The following PLCL1 variants were observed in gnomAD, a reference collection of about 807,000 sequenced individuals.
PLCL1 encodes phospholipase C like 1 (inactive), also known as inactive phospholipase C-like protein 1.
PLCL1 carries 41 observed loss-of-function variants against 84.4 expected under a neutral mutation model. That is an observed-to-expected ratio of 0.49 (90% CI 0.38 to 0.63). The LOEUF (loss-of-function observed/expected upper bound fraction) is 0.63. Ranked by LOEUF, PLCL1 falls within the 30% of genes least tolerant of loss-of-function variation. The pLI, the probability that PLCL1 is intolerant of heterozygous loss-of-function variation, is 0.00. For synonymous variants in PLCL1, 490 were observed against 488.3 expected, an observed-to-expected ratio of 1.00 and a Z score of -0.05; for missense variants, 1,206 against 1,367.8, an observed-to-expected ratio of 0.88 and a Z score of 1.87.
At chr2:198,013,937 G>A (rs906567551) in intron 1 of PLCL1, among the ~76,000 whole-genome samples, 1 of 152,032 alleles carries the variant, frequency 6.6e-6, no homozygotes, top group African/African-American at 2.4e-5. Flanking sequence ...GAGCATGTGA[G>A]ACTATAAAGT....
Position 197,805,122 on chromosome 2 carries a change from G to T in PLCL1, c.23G>T (p.Arg8Met), listed in dbSNP as rs1479720659. 1.5e-6 allele frequency: 2 copies of T among 1,321,708 alleles called. No homozygotes were observed. The highest frequency in any genetic ancestry group is 9.6e-7 in the Non-Finnish European group (1 of 1,040,564). 81.9% of individuals were successfully genotyped at this position (1,321,708 alleles called of 1,614,324 possible). Reference protein sequence around the residue: MAEGAAGREDPAPPDAAG... With the variant: MAEGAAGMEDPAPPDAAG... ...GCCATGGCCGAGGGCGCGGCCGGCAGGGAGGATCCGGCGCCGCCCGACGCG... is the reference window on the plus strand; with the variant it reads ...GCCATGGCCGAGGGCGCGGCCGGCATGGAGGATCCGGCGCCGCCCGACGCG... The change falls in exon 1 of 6, where the codon AGG becomes ATG. Residue 8 changes from arginine (R) to methionine (M), a missense_variant. Physicochemically the swap from Arg to Met is moderately conservative, Grantham distance 91. Transcript: ENST00000428675. The surrounding 1 kb of genome is among the most constrained non-coding windows in gnomAD (Gnocchi z 4.0).
In PLCL1 at chr2:198,084,181, G is replaced by C; in HGVS notation, c.664G>C (p.Val222Leu). The C allele has an allele frequency of 2.5e-6, 4 of 1,614,148 alleles. No homozygotes were observed. Among genetic ancestry groups the C allele is most frequent in the Non-Finnish European group, 3.4e-6 (4 of 1,180,010 alleles). The part of the protein sequence containing the change: ...NIWVSGLRYL[V>L]SRSKQPLDFM... ...CTGGGTGTCTGGGTTACGGTACCTG[G>C]TTTCTCGAAGTAAGCAGCCTCTTGA... The change falls in exon 2 of 6, where the codon GTT (valine) becomes CTT (leucine). Residue 222 changes from valine (V) to leucine (L), a missense_variant. By Grantham distance (32) the Val-to-Leu change is conservative. Coordinates refer to ENST00000428675, the MANE Select transcript of PLCL1 (RefSeq NM_006226.4).
intron 1 of PLCL1, among the ~76,000 whole-genome samples, chr2:198,017,327 G>A (rs1201091447): frequency 6.6e-6 from 1 of 152,152 alleles, no homozygotes; most frequent in African/African-American, 2.4e-5. Flanking sequence ...AGAACTGGGG[G>A]CATGGTTTAA....
Position 197,897,168 on chromosome 2 carries a change from CTTCTT to C in PLCL1, c.240+91830_240+91834del, listed in dbSNP as rs1559038570. Among the ~76,000 whole-genome samples the C allele has an allele frequency of 4.1e-4, 13 of 31,420 alleles. 1 individual carries two copies. Among genetic ancestry groups the C allele is most frequent in the Non-Finnish European group, 7.4e-4 (13 of 17,550 alleles). The allele number at this position is 31,420 out of a possible 152,430, so 20.6% of individuals were successfully genotyped here. ...TCTTCTTCTTCTTCTTCTTCTTCTT[CTTCTT>C]CTTCTTCTTCTTCTTCTCCTTCTCC... On this transcript the variant is annotated intron_variant, in intron 1 of 5. Transcript: ENST00000428675.
chr2:197,831,563 T>A lies in PLCL1; in HGVS notation c.240+26224T>A, dbSNP rs548975641. The stretch of plus-strand genomic sequence containing the variant: ...CACAGAGACTTAGACTCCCACACAA[T>A]AATAGTAGGAGACTTTAACACCCCA... On this transcript the variant is annotated intron_variant, in intron 1 of 5. Coordinates refer to ENST00000428675, the MANE Select transcript of PLCL1 (RefSeq NM_006226.4). Among the ~76,000 whole-genome samples, 68 of 152,240 alleles carry A rather than the reference T, an allele frequency of 4.5e-4. 2 individuals carry two copies. In the South Asian group the frequency reaches 1.0e-2, roughly 22 times the overall value.
At chr2:198,079,812 G>A (rs1411328979) in intron 1 of PLCL1, among the ~76,000 whole-genome samples, 3 of 152,100 alleles carry the variant, frequency 2.0e-5, no homozygotes, top group African/African-American at 7.2e-5. Flanking sequence ...TAGAATATTA[G>A]GAAGTAGAAA....
chr2:197,985,836 T>C (rs1690208681), intron 1 of PLCL1, among the ~76,000 whole-genome samples: 1 of 152,164 alleles, frequency 6.6e-6, no homozygotes, highest in East Asian at 1.9e-4. Flanking sequence ...AGTGTTGTGG[T>C]TTGCACAAAT....
At chr2:198,102,076 G>T (rs1048134403) in intron 4 of PLCL1, among the ~76,000 whole-genome samples, 1 of 152,066 alleles carries the variant, frequency 6.6e-6, no homozygotes, top group African/African-American at 2.4e-5. Context: ...CTGAGAGACT[G>T]AGTGACTTAC....
At chr2:197,842,557 G>C (rs945074534) in intron 1 of PLCL1, among the ~76,000 whole-genome samples, 2 of 152,074 alleles carry the variant, frequency 1.3e-5, no homozygotes, top group African/African-American at 2.4e-5. Context: ...TGAGAACTTT[G>C]AATCTCTCTT....
intron 1 of PLCL1, among the ~76,000 whole-genome samples, chr2:197,878,026 C>T (rs949384080): frequency 2.0e-5 from 3 of 152,194 alleles, no homozygotes; most frequent in Non-Finnish European, 4.4e-5. Flanking sequence ...GGAAATATAA[C>T]AAGCCTGTGA....
chr2:197,850,499 G>A (rs1158943045), intron 1 of PLCL1, among the ~76,000 whole-genome samples: 1 of 152,064 alleles, frequency 6.6e-6, no homozygotes, highest in Non-Finnish European at 1.5e-5. Context: ...AGGAATAAAC[G>A]AGCAAGCTTA....
chr2:197,835,346 C>G (rs1467063026), intron 1 of PLCL1, among the ~76,000 whole-genome samples: 1 of 152,094 alleles, frequency 6.6e-6, no homozygotes, highest in Non-Finnish European at 1.5e-5. Flanking sequence ...ACCATTTTAA[C>G]CATTTTTAAG....
At chr2:198,076,600 A>G (rs1692581066) in intron 1 of PLCL1, among the ~76,000 whole-genome samples, 1 of 152,184 alleles carries the variant, frequency 6.6e-6, no homozygotes, top group South Asian at 2.1e-4. Context: ...TACTTGGGTT[A>G]TGCTTCAGCT....
rs78767586 is a variant in PLCL1 at position 197,939,820 on chromosome 2, T to A, written c.240+134481T>A. 6.8e-3 allele frequency among the ~76,000 whole-genome samples: 1,023 copies of A among 151,328 alleles called. 8 individuals are homozygous for A. Among genetic ancestry groups the A allele is most frequent in the African/African-American group, 0.024 (973 of 41,146 alleles). The stretch of plus-strand genomic sequence containing the variant: ...TAATCGGCCACTGTCTTCCCCCAAG[T>A]GATTCTAATATGCAGCCAAATTTGA... On this transcript the variant is annotated intron_variant, in intron 1 of 5. Coordinates refer to ENST00000428675, the MANE Select transcript of PLCL1 (RefSeq NM_006226.4).
intron 1 of PLCL1, among the ~76,000 whole-genome samples, chr2:198,017,848 A>G (rs1691034417): frequency 6.6e-6 from 1 of 152,218 alleles, no homozygotes; most frequent in Non-Finnish European, 1.5e-5. Context: ...ATTTAAGTAT[A>G]TATTATATAC....
intron 1 of PLCL1, among the ~76,000 whole-genome samples, chr2:197,905,957 T>TTCACATGTGAA (rs1398888976): frequency 6.6e-6 from 1 of 152,246 alleles, no homozygotes; most frequent in African/African-American, 2.4e-5. Context: ...TTGTAGATTC[T>TTCACATGTGAA]GGATATTAGC....
At chr2:197,815,965 C>T (rs902568715) in intron 1 of PLCL1, among the ~76,000 whole-genome samples, 3 of 152,088 alleles carry the variant, frequency 2.0e-5, no homozygotes, top group Admixed American at 6.5e-5. Context: ...GAAATGACAA[C>T]AAAAGATTTA....
intron 1 of PLCL1, among the ~76,000 whole-genome samples, chr2:198,012,509 C>T (rs1690892219): frequency 1.3e-5 from 2 of 151,916 alleles, no homozygotes; most frequent in Admixed American, 6.6e-5. Context: ...TTTTTTAAGT[C>T]CTTCGGCCAA....
intron 1 of PLCL1, among the ~76,000 whole-genome samples, chr2:197,933,249 CT>C (rs968317075): frequency 7.8e-5 from 11 of 140,582 alleles, no homozygotes; most frequent in South Asian, 2.3e-4. Flanking sequence ...TGTGTTGTTT[CT>C]TTTTTTTTTC....
Sources: gnomAD v4.1 joint callset for allele counts (sites outside exome capture counted in the v4.1 genomes callset) on GRCh38, gnomAD v4.1.1 for gene constraint, Gnocchi (gnomAD v3.1) non-coding constraint, MANE v1.5 for transcripts, NCBI Gene and HGNC (gene_info 2026-07-23, HGNC 2026-07-21) for gene names.